GLIS3: variants seen among roughly 807,000 people sequenced by gnomAD.
The protein encoded by GLIS3 is GLIS family zinc finger 3.
In GLIS3, 53 loss-of-function variants were observed where a neutral mutation model predicts 78.6. That is an observed-to-expected ratio of 0.67 (90% CI 0.54 to 0.85). The LOEUF (loss-of-function observed/expected upper bound fraction) is 0.85, where lower values mean the gene tolerates loss of function less well. Among genes scored for constraint, GLIS3 ranks in the 40% least tolerant of loss-of-function variants. The pLI is 0.00. For synonymous variants in GLIS3, 684 were observed against 509.9 expected, an observed-to-expected ratio of 1.34 and a Z score of -4.60; for missense variants, 1,703 against 1,231.1, an observed-to-expected ratio of 1.38 and a Z score of -5.74.
chr9:4,374,747 T>C, the GLIS3 span, among the ~76,000 whole-genome samples: 2 of 152,212 alleles, frequency 1.3e-5, no homozygotes, highest in Admixed American at 6.5e-5. Flanking sequence ...TAATAAAAAA[T>C]GTATACAAGA....
At chr9:4,360,856 G>A in the GLIS3 span, among the ~76,000 whole-genome samples, 1 of 152,232 alleles carries the variant, frequency 6.6e-6, no homozygotes, top group Non-Finnish European at 1.5e-5. Context: ...TGGGAATGAT[G>A]CCACTGAGGT....
At chr9:4,064,884 A>G (rs755529331) in intron 4 of GLIS3, among the ~76,000 whole-genome samples, 5 of 152,194 alleles carry the variant, frequency 3.3e-5, no homozygotes, top group Admixed American at 6.5e-5. Context: ...CTAGGTCCCA[A>G]TGTCCTGATC....
chr9:4,172,292 T>C (rs918055737), intron 2 of GLIS3, among the ~76,000 whole-genome samples: 2 of 152,172 alleles, frequency 1.3e-5, no homozygotes, highest in African/African-American at 4.8e-5. Context: ...GTGCAACTCC[T>C]TACCTACAAC....
At chr9:3,907,237 C>G (rs924187582) in intron 6 of GLIS3, among the ~76,000 whole-genome samples, 1 of 152,050 alleles carries the variant, frequency 6.6e-6, no homozygotes, top group African/African-American at 2.4e-5. Context: ...AGGCTGACTG[C>G]CTCTTAATCT....
chr9:4,174,342 T>A (rs1448417028), intron 2 of GLIS3, among the ~76,000 whole-genome samples: 1 of 152,084 alleles, frequency 6.6e-6, no homozygotes, highest in Non-Finnish European at 1.5e-5. Flanking sequence ...CCAAGGAAAA[T>A]ATACAAACAG....
chr9:4,283,821 T>C (rs970399618), intron 2 of GLIS3, among the ~76,000 whole-genome samples: 4 of 152,222 alleles, frequency 2.6e-5, no homozygotes, highest in African/African-American at 9.6e-5. Flanking sequence ...TCTTGCACCA[T>C]CTAGACCACT....
chr9:4,173,113 A>G (rs1816513738), intron 2 of GLIS3, among the ~76,000 whole-genome samples: 1 of 152,168 alleles, frequency 6.6e-6, no homozygotes, highest in South Asian at 2.1e-4. Flanking sequence ...CTACGTATCA[A>G]TAACTCATTG....
intron 2 of GLIS3, among the ~76,000 whole-genome samples, chr9:4,315,292 G>A (rs760496180): frequency 7.2e-5 from 11 of 152,150 alleles, no homozygotes; most frequent in Non-Finnish European, 1.0e-4. Context: ...GAGAGGACAA[G>A]TGATCATGCC....
chr9:4,204,525 C>T (rs980439269), intron 2 of GLIS3, among the ~76,000 whole-genome samples: 1 of 152,060 alleles, frequency 6.6e-6, no homozygotes, highest in African/African-American at 2.4e-5. Flanking sequence ...AGGAGCCCAC[C>T]AAGGAACTAA....
chr9:4,255,672 G>A (rs1295680670), intron 2 of GLIS3, among the ~76,000 whole-genome samples: 1 of 152,140 alleles, frequency 6.6e-6, no homozygotes, highest in Non-Finnish European at 1.5e-5. Context: ...CAAAACTATA[G>A]AGAGTAAAAA....
chr9:3,996,461 G>A (rs1286582914), intron 4 of GLIS3, among the ~76,000 whole-genome samples: 1 of 152,132 alleles, frequency 6.6e-6, no homozygotes, highest in African/African-American at 2.4e-5. Flanking sequence ...TTAAAGTGTT[G>A]TTTGGGATAA....
intron 2 of GLIS3, among the ~76,000 whole-genome samples, chr9:4,346,395 C>T (rs1052791938): frequency 1.1e-4 from 1 of 9,032 alleles, no homozygotes; most frequent in East Asian, 0.17. Context: ...CAGTGACTGC[C>T]CTGCCCTGAA....
At chr9:4,203,062 C>T (rs551928888) in intron 2 of GLIS3, among the ~76,000 whole-genome samples, 1 of 152,270 alleles carries the variant, frequency 6.6e-6, no homozygotes, top group African/African-American at 2.4e-5. Flanking sequence ...TATTAGCAAA[C>T]TATGTCTATG....
At chr9:3,891,502 C>T (rs896467393) in intron 7 of GLIS3, among the ~76,000 whole-genome samples, 4 of 151,972 alleles carry the variant, frequency 2.6e-5, no homozygotes, top group African/African-American at 7.3e-5. Flanking sequence ...AGGAGTTTGA[C>T]GTAAGCCTGG....
intron 2 of GLIS3, among the ~76,000 whole-genome samples, chr9:4,241,730 T>G (rs1307385626): frequency 6.6e-6 from 1 of 152,222 alleles, no homozygotes; most frequent in African/African-American, 2.4e-5. Context: ...ATGTCCAGGC[T>G]GGAATGCAGC....
chr9:4,419,292 T>C, the GLIS3 span, among the ~76,000 whole-genome samples: 6 of 152,312 alleles, frequency 3.9e-5, no homozygotes. Context: ...CAGTTTGTTC[T>C]TGCATTGCTA....
chr9:4,480,145 G>C, the GLIS3 span, among the ~76,000 whole-genome samples: 3 of 148,138 alleles, frequency 2.0e-5, no homozygotes, highest in Admixed American at 6.8e-5. Flanking sequence ...GTGGAGACGT[G>C]TCTTTCTTAC....
At chr9:4,214,073 C>A (rs538324959) in intron 2 of GLIS3, among the ~76,000 whole-genome samples, 9 of 152,164 alleles carry the variant, frequency 5.9e-5, no homozygotes, top group Non-Finnish European at 4.4e-5. Flanking sequence ...CCTCATCTCA[C>A]TCATAGCCTT....
At chr9:3,986,809 G>C (rs956360477) in intron 4 of GLIS3, among the ~76,000 whole-genome samples, 2 of 152,206 alleles carry the variant, frequency 1.3e-5, no homozygotes, top group Admixed American at 6.5e-5. Flanking sequence ...CACTAAAGTA[G>C]GCAAAGACCC....
Sources: allele counts gnomAD v4.1 joint callset (sites outside exome capture counted in the v4.1 genomes callset), GRCh38; gene constraint gnomAD v4.1.1; transcripts MANE v1.5; gene names NCBI Gene and HGNC (gene_info 2026-07-23, HGNC 2026-07-21).